IFRD1: variants seen among roughly 807,000 people sequenced by gnomAD.
IFRD1 encodes the protein interferon-related developmental regulator 1.
A neutral mutation model predicts 52.9 loss-of-function variants in IFRD1; 35 were observed. The ratio of observed to expected loss-of-function variants is 0.66; its 90% confidence interval spans 0.51 to 0.88. The LOEUF (loss-of-function observed/expected upper bound fraction) is 0.88. Among genes scored for constraint, IFRD1 ranks in the 40% least tolerant of loss-of-function variants. The pLI is 0.00. For missense variants in IFRD1, 517 were observed against 550.8 expected (o/e 0.94, Z 0.61); for synonymous variants, 184 against 188.4 (o/e 0.98, Z 0.19).
At chr7:112,439,970 A>C (rs1279071434) in intron 1 of IFRD1, among the ~76,000 whole-genome samples, 1 of 152,154 alleles carries the variant, frequency 6.6e-6, no homozygotes, top group Non-Finnish European at 1.5e-5. Context: ...GATGTCTGCA[A>C]CAAATTAATT....
intron 1 of IFRD1, 174 bp downstream of exon 1, chr7:112,450,956 G>C (rs1178415604): frequency 1.5e-5 from 10 of 650,990 alleles, no homozygotes; most frequent in Non-Finnish European, 2.5e-5. Flanking sequence ...GCTGCTCCTC[G>C]CGCGATTTAG....
At chr7:112,472,691 C>A in intron 10 of IFRD1, 75 bp from the exon 11 acceptor site, 1 of 942,036 alleles carries the variant, frequency 1.1e-6, no homozygotes, top group Non-Finnish European at 1.8e-6. Context: ...TTCTGTTAAT[C>A]AGAGTCACTC....
At chr7:112,472,987 T>C (rs1795793702) in intron 11 of IFRD1, 126 bp downstream of exon 11, 1 of 710,268 alleles carries the variant, frequency 1.4e-6, no homozygotes. Context: ...TCACATAGAA[T>C]AGCTGTACTA....
rs75924112 is a variant in IFRD1, at chr7:112,465,194, T to G, written c.907-2787T>G. Among the ~76,000 whole-genome samples the G allele has an allele frequency of 1.2e-4, 19 of 152,318 alleles. No homozygotes were observed. The East Asian group carries it at 3.7e-3, about 29-fold the overall frequency. On this transcript the variant is annotated intron_variant, in intron 8 of 11. Transcript: ENST00000403825. The stretch of plus-strand genomic sequence containing the variant: ...ATTATAGATACAGAGCCACTGTGTC[T>G]GGCCTCAAGTTTTATTTTAATATTA...
At chr7:112,473,397 A>C (rs1275226789) in intron 11 of IFRD1, among the ~76,000 whole-genome samples, 2 of 151,962 alleles carry the variant, frequency 1.3e-5, no homozygotes, top group African/African-American at 4.8e-5. Flanking sequence ...AGAGAGTTAA[A>C]TAGTAATTAA....
At chr7:112,473,372 A>T (rs1322539014) in intron 11 of IFRD1, among the ~76,000 whole-genome samples, 8 of 152,134 alleles carry the variant, frequency 5.3e-5, no homozygotes, top group African/African-American at 1.9e-4. Context: ...CTCGTTTTAC[A>T]AATGAGGAAA....
Position 112,424,101 on chromosome 7 carries a change from G to A in IFRD1, c.-182+669G>A, listed in dbSNP as rs558031382. On this transcript the variant is annotated intron_variant, in intron 1 of 12. Coordinates refer to the IFRD1 transcript ENST00000005558. ...GGCAGAAAGTAGGGGCTTTTAAAGGGGCACTTGGCATGAACAGCATGCAGG... is the reference window on the plus strand; with the variant it reads ...GGCAGAAAGTAGGGGCTTTTAAAGGAGCACTTGGCATGAACAGCATGCAGG... 4.6e-5 allele frequency among the ~76,000 whole-genome samples: 7 copies of A among 152,238 alleles called. No individual in the cohort carries two copies. In the South Asian group the frequency reaches 1.5e-3, roughly 32 times the overall value.
At chr7:112,456,605 A>G (rs1795298054) in intron 3 of IFRD1, among the ~76,000 whole-genome samples, 1 of 152,192 alleles carries the variant, frequency 6.6e-6, no homozygotes, top group African/African-American at 2.4e-5. Flanking sequence ...TAAATATGTA[A>G]TATAGGAAAA....
intron 1 of IFRD1, among the ~76,000 whole-genome samples, chr7:112,440,902 A>C (rs1476035343): frequency 2.0e-5 from 3 of 152,158 alleles, no homozygotes; most frequent in Non-Finnish European, 4.4e-5. Flanking sequence ...TTGGGACGCC[A>C]AGGTGGGCGG....
At chr7:112,450,995 A>G in intron 1 of IFRD1, 1 of 588,984 alleles carries the variant, frequency 1.7e-6, no homozygotes. Context: ...ACTCTTGGGC[A>G]CCGGCCGTGG....
chr7:112,463,809 C>T (rs1795526681), intron 8 of IFRD1, among the ~76,000 whole-genome samples: 1 of 150,726 alleles, frequency 6.6e-6, no homozygotes, highest in Admixed American at 6.6e-5. Context: ...TATATAGACA[C>T]ATACATACAT....
At chr7:112,429,343 A>G (rs893397655) in intron 1 of IFRD1, among the ~76,000 whole-genome samples, 5 of 152,196 alleles carry the variant, frequency 3.3e-5, no homozygotes, top group Non-Finnish European at 7.3e-5. Flanking sequence ...ACACTTTAGA[A>G]TTCTGTTTTT....
intron 1 of IFRD1, among the ~76,000 whole-genome samples, chr7:112,455,026 C>T (rs1029995529): frequency 1.2e-4 from 18 of 151,790 alleles, no homozygotes; most frequent in South Asian, 2.1e-4. Context: ...ACCACTACAC[C>T]GGGCTAATTT....
At chr7:112,435,223 A>G (rs1238736711) in intron 1 of IFRD1, among the ~76,000 whole-genome samples, 2 of 152,170 alleles carry the variant, frequency 1.3e-5, no homozygotes, top group Non-Finnish European at 2.9e-5. Context: ...AAATCAGATC[A>G]ACACAAAACC....
intron 1 of IFRD1, among the ~76,000 whole-genome samples, chr7:112,426,437 G>A (rs1563253837): frequency 6.6e-6 from 1 of 152,228 alleles, no homozygotes; most frequent in Non-Finnish European, 1.5e-5. Context: ...GAATAGCACA[G>A]AATGGGTAGT....
rs1336801638 is a variant in IFRD1, at chr7:112,472,290, A to G, written c.1113A>G (p.Lys371=). The change falls in exon 10 of 12, where the codon AAA becomes AAG. Residue 371 remains lysine (K), a synonymous_variant. Transcript: ENST00000403825. ...TGTATATTGATTGCTGGGTAAAAAAACACACCTATGACACCTTTAAGGAGG... is the reference window on the plus strand; with the variant it reads ...TGTATATTGATTGCTGGGTAAAAAAGCACACCTATGACACCTTTAAGGAGG... ...ERMYIDCWVK[K]HTYDTFKEVL... 5 of 1,613,978 alleles carry G rather than the reference A, an allele frequency of 3.1e-6. No individual in the cohort carries two copies. The highest frequency in any genetic ancestry group is 3.3e-5 in the Admixed American group (2 of 60,002).
rs1795460935 is a variant in IFRD1 at position 112,462,297 on chromosome 7, C to T, written c.825C>T (p.Leu275=). Residue 275 remains leucine (L), a synonymous_variant, in exon 8 of 12, where the codon CTC becomes CTT. Coordinates refer to ENST00000403825, the MANE Select transcript of IFRD1 (RefSeq NM_001550.4). ...EMHFHKLPSL[L]SCDDVNMRIA... is the part of the protein sequence containing the mutation. ...ATTTCCATAAGCTTCCAAGCCTCCT[C>T]TCTTGTGATGATGTAAACATGAGAA... is the stretch of plus-strand genomic sequence containing the variant. 4 of 1,613,782 alleles carry T rather than the reference C, an allele frequency of 2.5e-6. No homozygotes were observed. In the East Asian group the frequency reaches 6.7e-5, roughly 27 times the overall value.
At chr7:112,427,797 T>C (rs1258253497) in intron 1 of IFRD1, among the ~76,000 whole-genome samples, 6 of 152,240 alleles carry the variant, frequency 3.9e-5, no homozygotes, top group Non-Finnish European at 7.3e-5. Context: ...AAATATCTAG[T>C]GAGACCTACA....
At chr7:112,451,831 A>G (rs1795173268) in intron 1 of IFRD1, among the ~76,000 whole-genome samples, 1 of 152,196 alleles carries the variant, frequency 6.6e-6, no homozygotes, top group African/African-American at 2.4e-5. Flanking sequence ...ACTATTAGCC[A>G]TCAGGTATTT....
Sources: allele counts gnomAD v4.1 joint callset (sites outside exome capture counted in the v4.1 genomes callset), GRCh38; gene constraint gnomAD v4.1.1; transcripts MANE v1.5; gene names NCBI Gene and HGNC (gene_info 2026-07-23, HGNC 2026-07-21).